Variants in USPL1 observed in about 807,000 individuals in gnomAD.
USPL1 encodes SUMO-specific isopeptidase USPL1.
USPL1 carries 27 observed loss-of-function variants against 51.5 expected under a neutral mutation model. The ratio of observed to expected loss-of-function variants is 0.52; its 90% CI spans 0.39 to 0.72. USPL1 has a LOEUF of 0.72. Ranked by LOEUF, USPL1 falls within the 30% of genes least tolerant of loss-of-function variation. USPL1 has a pLI of 0.00. For missense variants in USPL1, 1,226 were observed against 1,268.0 expected (o/e 0.97, Z 0.50); for synonymous variants, 451 against 459.6 (o/e 0.98, Z 0.24).
At chr13:30,649,446 T>G (rs1244334783) in intron 7 of USPL1, among the ~76,000 whole-genome samples, 1 of 152,262 alleles carries the variant, frequency 6.6e-6, no homozygotes, top group Non-Finnish European at 1.5e-5. Context: ...ATTAAGTTCC[T>G]TGGACACCTT....
At chr13:30,651,259 G>C (rs990139464) in intron 7 of USPL1, among the ~76,000 whole-genome samples, 2 of 152,110 alleles carry the variant, frequency 1.3e-5, no homozygotes, top group Non-Finnish European at 2.9e-5. Context: ...TGCTGGTTAA[G>C]AAAATCAAAT....
intron 6 of USPL1, among the ~76,000 whole-genome samples, chr13:30,644,384 GCTC>G (rs1286411230): frequency 1.3e-4 from 19 of 150,534 alleles, no homozygotes; most frequent in African/African-American, 4.5e-4. Context: ...CTGGGAGGAT[GCTC>G]CAGGGAATGC....
chr13:30,653,973 C>T (rs566550673), intron 8 of USPL1, among the ~76,000 whole-genome samples: 1 of 152,276 alleles, frequency 6.6e-6, no homozygotes, highest in Non-Finnish European at 1.5e-5. Context: ...CTATTTTCCT[C>T]CTGGGGATGG....
chr13:30,645,032 T>C (rs1950999723), intron 6 of USPL1, among the ~76,000 whole-genome samples: 2 of 152,174 alleles, frequency 1.3e-5, no homozygotes, highest in South Asian at 4.1e-4. Flanking sequence ...CACGTATGGA[T>C]ATGACAGCTT....
At chr13:30,638,505 T>G (rs544414505) in intron 5 of USPL1, among the ~76,000 whole-genome samples, 204 of 152,292 alleles carry the variant, frequency 1.3e-3, no homozygotes, top group African/African-American at 4.4e-3. Flanking sequence ...GTTTTTGGCC[T>G]GTGGGAGTGG....
chr13:30,637,615 A>T (rs1388526007), intron 4 of USPL1, 129 bp from the exon 5 acceptor site: 2 of 674,624 alleles, frequency 3.0e-6, no homozygotes, highest in African/African-American at 3.6e-5. Context: ...AATTAAGGAA[A>T]TTTTGTGTTT....
At chr13:30,643,350 C>T (rs550967657) in intron 6 of USPL1, among the ~76,000 whole-genome samples, 100 of 152,226 alleles carry the variant, frequency 6.6e-4, no homozygotes, top group African/African-American at 2.3e-3. Context: ...AGGTCCCATC[C>T]CCAGGTTACC....
rs371872692 is a variant in USPL1 at position 30,658,965 on chromosome 13, A to G, written c.2888A>G (p.Tyr963Cys). ...ACTTVPGVSL[Y>C]SSQTHEEILA... Reference sequence around the variant, plus strand: ...ACCACTGTTCCTGGTGTTTCCCTGTACAGTAGTCAAACTCATGAAGAAATT... The same window carrying G: ...ACCACTGTTCCTGGTGTTTCCCTGTGCAGTAGTCAAACTCATGAAGAAATT... The change falls in exon 9 of 9, where the codon TAC becomes TGC. Residue 963 changes from tyrosine to cysteine, a missense_variant. Physicochemically the swap from Tyr to Cys is radical, Grantham distance 194. Coordinates refer to ENST00000255304, the MANE Select transcript of USPL1 (RefSeq NM_005800.5). The G allele has an allele frequency of 1.4e-5, 23 of 1,614,086 alleles. No individual in the cohort carries two copies. Among genetic ancestry groups the G allele is most frequent in the Non-Finnish European group, 1.9e-5 (22 of 1,180,040 alleles).
chr13:30,655,633 A>T (rs1209932009), intron 8 of USPL1, among the ~76,000 whole-genome samples: 1 of 152,230 alleles, frequency 6.6e-6, no homozygotes, highest in Non-Finnish European at 1.5e-5. Flanking sequence ...GTATAAGGAA[A>T]AGAGAAACTG....
chr13:30,642,785 G>A (rs1240419851), intron 6 of USPL1, 28 bp downstream of exon 6: 6 of 1,599,278 alleles, frequency 3.8e-6, no homozygotes, highest in Non-Finnish European at 5.1e-6. Flanking sequence ...TTTAAAATGG[G>A]TTCTTCTAGT....
intron 5 of USPL1, among the ~76,000 whole-genome samples, chr13:30,642,107 C>G (rs35547147): frequency 6.6e-6 from 1 of 151,942 alleles, no homozygotes; most frequent in Admixed American, 6.6e-5. Flanking sequence ...GAGATAATGC[C>G]TCGCTATATT....
intron 7 of USPL1, among the ~76,000 whole-genome samples, chr13:30,648,827 CA>C (rs1298746245): frequency 1.3e-5 from 2 of 152,018 alleles, no homozygotes; most frequent in Non-Finnish European, 2.9e-5. Context: ...TCTTGGCTGC[CA>C]GGTGTCAGTT....
chr13:30,619,854 C>T (rs1480793628), intron 1 of USPL1, among the ~76,000 whole-genome samples: 1 of 152,080 alleles, frequency 6.6e-6, no homozygotes, highest in Non-Finnish European at 1.5e-5. Context: ...ATCAGTAGTT[C>T]TCACCAGAAG....
At chr13:30,628,568 G>T (rs1950755880) in intron 3 of USPL1, among the ~76,000 whole-genome samples, 1 of 152,142 alleles carries the variant, frequency 6.6e-6, no homozygotes, top group Non-Finnish European at 1.5e-5. Flanking sequence ...GCCCCGGTGT[G>T]TGATGTTCCC....
intron 6 of USPL1, among the ~76,000 whole-genome samples, chr13:30,645,766 A>G (rs997228828): frequency 2.0e-5 from 3 of 152,218 alleles, no homozygotes; most frequent in Non-Finnish European, 4.4e-5. Context: ...GGCAGATCTC[A>G]GGTCTGTTAT....
chr13:30,625,077 G>GA (rs1469232547), intron 3 of USPL1, among the ~76,000 whole-genome samples: 1 of 151,804 alleles, frequency 6.6e-6, no homozygotes, highest in Non-Finnish European at 1.5e-5. Flanking sequence ...AAGTAGAAAG[G>GA]AAAAAAAGCT....
At chr13:30,640,376 C>T (rs1950930699) in intron 5 of USPL1, among the ~76,000 whole-genome samples, 2 of 152,078 alleles carry the variant, frequency 1.3e-5, no homozygotes, top group African/African-American at 4.8e-5. Flanking sequence ...TGTATTTCTA[C>T]TTACAAAAAA....
At chr13:30,655,316 G>A (rs1433626305) in intron 8 of USPL1, among the ~76,000 whole-genome samples, 1 of 152,154 alleles carries the variant, frequency 6.6e-6, no homozygotes, top group Non-Finnish European at 1.5e-5. Flanking sequence ...TCTGTGTTGA[G>A]TCCTAGACAT....
At chr13:30,636,638 C>A (rs1249171319) in intron 4 of USPL1, among the ~76,000 whole-genome samples, 1 of 152,086 alleles carries the variant, frequency 6.6e-6, no homozygotes, top group Non-Finnish European at 1.5e-5. Flanking sequence ...AAGAAGTGAT[C>A]AAAAACATAG....
Sources: gnomAD v4.1 joint callset for allele counts (sites outside exome capture counted in the v4.1 genomes callset) on GRCh38, gnomAD v4.1.1 for gene constraint, MANE v1.5 for transcripts, NCBI Gene and HGNC (gene_info 2026-07-23, HGNC 2026-07-21) for gene names.